GRAMD1B: variants seen among roughly 807,000 people sequenced by gnomAD.
GRAMD1B encodes GRAM domain containing 1B, also known as protein Aster-B.
In GRAMD1B, 37 loss-of-function variants were observed where a neutral mutation model predicts 99.7. The ratio of observed to expected loss-of-function variants is 0.37; its 90% confidence interval spans 0.29 to 0.49. GRAMD1B has a LOEUF of 0.49. Ranked by LOEUF, GRAMD1B falls within the 20% of genes least tolerant of loss-of-function variation. GRAMD1B has a pLI of 0.98. For synonymous variants in GRAMD1B, 427 were observed against 387.6 expected, an observed-to-expected ratio of 1.10 and a Z score of -1.19; for missense variants, 888 against 1,009.2, an observed-to-expected ratio of 0.88 and a Z score of 1.63.
intron 2 of GRAMD1B, among the ~76,000 whole-genome samples, chr11:123,532,102 T>C (rs1041903044): frequency 1.2e-4 from 19 of 152,296 alleles, no homozygotes; most frequent in Middle Eastern, 3.4e-3. Context: ...CTAAACTGGG[T>C]TATGCCATGA....
At chr11:123,508,602 G>A (rs1940665126) in intron 2 of GRAMD1B, among the ~76,000 whole-genome samples, 1 of 152,180 alleles carries the variant, frequency 6.6e-6, no homozygotes, top group Non-Finnish European at 1.5e-5. Context: ...CTCTTTCCTA[G>A]TCTGTATTGA....
At chr11:123,598,511 A>C (rs1951564341) in intron 7 of GRAMD1B, 1 of 1,346,168 alleles carries the variant, frequency 7.4e-7, no homozygotes, top group Admixed American at 1.7e-5. Context: ...TGTTCCTCTC[A>C]GTGTCTTACT....
In GRAMD1B at chr11:123,534,302, T is replaced by C. The variant is rs140936780; in HGVS notation, c.453-43065T>C. ...ATTGTCATAAAGGCCTTCATCCTTA[T>C]TGTGTTCACATTGAGTAGGCTGAGA... On this transcript the variant is annotated intron_variant, in intron 2 of 19. Coordinates refer to ENST00000635736, the MANE Select transcript of GRAMD1B (RefSeq NM_001387025.1). 1.2e-3 allele frequency among the ~76,000 whole-genome samples: 176 copies of C among 152,360 alleles called. 1 individual carries two copies. Among genetic ancestry groups the C allele is most frequent in the African/African-American group, 4.0e-3 (167 of 41,590 alleles).
chr11:123,433,531 C>T (rs1331216573), intron 1 of GRAMD1B, among the ~76,000 whole-genome samples: 1 of 152,122 alleles, frequency 6.6e-6, no homozygotes, highest in East Asian at 1.9e-4. Context: ...AATGGCATGG[C>T]CTGTATTCCC....
At chr11:123,387,549 A>G (rs944907463) in intron 1 of GRAMD1B, among the ~76,000 whole-genome samples, 1 of 151,998 alleles carries the variant, frequency 6.6e-6, no homozygotes. Flanking sequence ...AGGGCTTCTC[A>G]AAGGACAAAG....
At chr11:123,434,155 A>G (rs1307838938) in intron 1 of GRAMD1B, among the ~76,000 whole-genome samples, 1 of 136,662 alleles carries the variant, frequency 7.3e-6, no homozygotes, top group Non-Finnish European at 1.5e-5. Flanking sequence ...GCTTGAACCT[A>G]GGAGGTGGAG....
At position 123,548,062 on chromosome 11, in the gene GRAMD1B, T is replaced by G. The variant is rs1945189406; in HGVS notation, c.453-29305T>G. On this transcript the variant is annotated intron_variant, in intron 2 of 19. Transcript: ENST00000635736. ...GCACAGCTGCATGATCCATAGTGTA[T>G]GGACTGTAGGATGGGAATCAGATTT... is the stretch of plus-strand genomic sequence containing the variant. 2.0e-5 allele frequency among the ~76,000 whole-genome samples: 3 copies of G among 151,780 alleles called. No homozygotes were observed. In the South Asian group the frequency reaches 6.3e-4, roughly 32 times the overall value.
chr11:123,363,580 G>GTTTTTTT (rs1946218993), intron 1 of GRAMD1B, among the ~76,000 whole-genome samples: 1 of 148,418 alleles, frequency 6.7e-6, no homozygotes, highest in African/African-American at 2.6e-5. Context: ...CTTTTTTTTT[G>GTTTTTTT]TTTGTTTTTT....
chr11:123,387,330 C>T (rs973902235), intron 1 of GRAMD1B, among the ~76,000 whole-genome samples: 4 of 152,098 alleles, frequency 2.6e-5, no homozygotes, highest in Admixed American at 6.6e-5. Flanking sequence ...GTGGATGCCA[C>T]GCACTCCAGA....
rs1199405323 is a variant in GRAMD1B at position 123,622,830 on chromosome 11, T to C, written c.*235T>C. 1 of 164,686 alleles carries C rather than the reference T, an allele frequency of 6.1e-6. No homozygotes were observed. The highest frequency in any genetic ancestry group is 6.4e-5 in the Admixed American group (1 of 15,552). 10.2% of individuals were successfully genotyped at this position (164,686 alleles called of 1,614,324 possible). ...GCAGCTGAGGAGGGCAGGAACCGCC[T>C]CTCAGCACCGACCTCCCCTGATCTC... On this transcript the variant is annotated 3_prime_UTR_variant, in exon 20 of 20. Transcript: ENST00000635736.
chr11:123,451,609 C>T (rs1293309883), intron 1 of GRAMD1B, among the ~76,000 whole-genome samples: 2 of 152,166 alleles, frequency 1.3e-5, no homozygotes, highest in African/African-American at 4.8e-5. Context: ...TGTTTGAAAG[C>T]AGCAGCTTCT....
chr11:123,601,968 CA>C (rs1378323064), intron 8 of GRAMD1B, among the ~76,000 whole-genome samples: 1 of 152,180 alleles, frequency 6.6e-6, no homozygotes, highest in Non-Finnish European at 1.5e-5. Context: ...AGAGAGCAAG[CA>C]AAGGGTGGAG....
rs984257635 is a variant in GRAMD1B at position 123,591,693 on chromosome 11, G to A, written c.685-2389G>A. Reference sequence around the variant, plus strand: ...AATTGAAATAGGTGAGCCAGGCCCCGCCTTTGGGGGTGGAGGAGGGAGAGG... The same window carrying A: ...AATTGAAATAGGTGAGCCAGGCCCCACCTTTGGGGGTGGAGGAGGGAGAGG... On this transcript the variant is annotated intron_variant, in intron 4 of 19. Transcript: ENST00000635736. This position sits in a 1 kb window ranked among gnomAD's most constrained non-coding sequence, Gnocchi z 4.7. Among the ~76,000 whole-genome samples, 14 of 152,198 alleles carry A rather than the reference G, an allele frequency of 9.2e-5. No individual in the cohort carries two copies. The highest frequency in any genetic ancestry group is 4.1e-4 in the South Asian group (2 of 4,832).
In GRAMD1B at chr11:123,403,912, A is replaced by G. The variant is rs570042200; in HGVS notation, c.-176+45113A>G. On this transcript the variant is annotated intron_variant, in intron 1 of 20. Transcript: ENST00000638157. ...TTTTAGCCTAGTCTTTGCCACTTAGAAAAAGAAAAAATTGACGCATCTTGT... is the reference window on the plus strand; with the variant it reads ...TTTTAGCCTAGTCTTTGCCACTTAGGAAAAGAAAAAATTGACGCATCTTGT... Among the ~76,000 whole-genome samples, 12 of 152,238 alleles carry G rather than the reference A, an allele frequency of 7.9e-5. No individual in the cohort carries two copies. In the East Asian group the frequency reaches 1.2e-3, roughly 15 times the overall value.
At chr11:123,555,439 C>T (rs1423028429) in intron 2 of GRAMD1B, among the ~76,000 whole-genome samples, 1 of 152,140 alleles carries the variant, frequency 6.6e-6, no homozygotes, top group African/African-American at 2.4e-5. Context: ...ACCTCTGCCT[C>T]CTGGGTTCAA....
intron 12 of GRAMD1B, 82 bp downstream of exon 12, chr11:123,608,884 C>A: frequency 1.0e-6 from 1 of 956,288 alleles, no homozygotes; most frequent in Non-Finnish European, 1.6e-6. Context: ...TCCTTCCCTT[C>A]CTTATTCTTC....
At chr11:123,481,512 C>G (rs1361806488) in intron 2 of GRAMD1B, among the ~76,000 whole-genome samples, 1 of 152,134 alleles carries the variant, frequency 6.6e-6, no homozygotes, top group African/African-American at 2.4e-5. Context: ...GAGTCATGCC[C>G]TATAGGTTGG....
rs564903568 is a variant in GRAMD1B at position 123,430,943 on chromosome 11, G to A, written c.151G>A (p.Val51Ile). ...RRFKMRRMKN[V>I]QEQSLEAGLA... ...CTTCAAGATGCGCCGCATGAAGAAC[G>A]TACAGGAGCAGAGCCTGGAGGCCGG... Residue 51 changes from valine (V) to isoleucine (I), a missense_variant, in exon 1 of 20, where the codon GTA (valine) becomes ATA (isoleucine). Val to Ile is a conservative substitution (Grantham distance 29). Around this residue, in one of 5 missense-constraint regions of GRAMD1B, gnomAD observed 233 missense variants for 154.6 expected, o/e 1.51. Transcript: ENST00000635736. 8.5e-5 allele frequency: 60 copies of A among 702,830 alleles called. No homozygotes were observed. The South Asian group carries it at 8.7e-4, about 10-fold the overall frequency. The allele number at this position is 702,830 out of a possible 1,614,324, so 43.5% of individuals were successfully genotyped here.
intron 2 of GRAMD1B, among the ~76,000 whole-genome samples, chr11:123,535,776 A>G (rs749186867): frequency 4.6e-4 from 70 of 152,210 alleles, no homozygotes; most frequent in Non-Finnish European, 8.5e-4. Context: ...GCATTAGAAC[A>G]TTGCCTATAC....
Sources: gnomAD v4.1 joint callset for allele counts (sites outside exome capture counted in the v4.1 genomes callset) on GRCh38, gnomAD v4.1.1 for gene constraint, gnomAD v4.1.1 regional missense constraint, Gnocchi (gnomAD v3.1) non-coding constraint, MANE v1.5 for transcripts, NCBI Gene and HGNC (gene_info 2026-07-23, HGNC 2026-07-21) for gene names.